The following FAM171B variants were observed in gnomAD, a reference collection of about 807,000 sequenced individuals.
FAM171B encodes family with sequence similarity 171 member B.
In FAM171B, 19 loss-of-function variants were observed where a neutral mutation model predicts 75.6. The observed-to-expected ratio is 0.25, with a 90% CI of 0.18 to 0.37. FAM171B has a LOEUF of 0.37. Among genes scored for constraint, FAM171B ranks in the 10% least tolerant of loss-of-function variants. The pLI is 1.00. For synonymous variants in FAM171B, 367 were observed against 361.7 expected (o/e 1.01, Z -0.17); for missense variants, 848 against 982.4 (o/e 0.86, Z 1.83).
chr2:186,734,939 A>G (rs1690176593), intron 1 of FAM171B, among the ~76,000 whole-genome samples: 1 of 152,220 alleles, frequency 6.6e-6, no homozygotes, highest in Admixed American at 6.5e-5. Flanking sequence ...CACCGGGAGC[A>G]GGGAAAGGCC....
intron 1 of FAM171B, 107 bp downstream of exon 1, chr2:186,694,518 C>T (rs1291169829): frequency 1.4e-6 from 2 of 1,395,178 alleles, no homozygotes; most frequent in African/African-American, 2.9e-5. Flanking sequence ...TCGTTCGTTC[C>T]TGTCACCATC....
intron 1 of FAM171B, among the ~76,000 whole-genome samples, chr2:186,722,902 G>T (rs1218398420): frequency 6.6e-6 from 1 of 152,154 alleles, no homozygotes; most frequent in Non-Finnish European, 1.5e-5. Context: ...TTGGTGTTGA[G>T]GATATTGCAT....
chr2:186,715,135 C>T (rs1028318449), intron 1 of FAM171B, among the ~76,000 whole-genome samples: 2 of 152,260 alleles, frequency 1.3e-5, no homozygotes, highest in Admixed American at 6.5e-5. Flanking sequence ...GGCAGGTAAA[C>T]ATTTACTACG....
intron 4 of FAM171B, among the ~76,000 whole-genome samples, chr2:186,750,405 C>A (rs1690435100): frequency 6.6e-6 from 1 of 152,024 alleles, no homozygotes; most frequent in South Asian, 2.1e-4. Flanking sequence ...ACAATATAAC[C>A]AATTCTGTTA....
chr2:186,753,526 T>G (rs1428588980), intron 5 of FAM171B, among the ~76,000 whole-genome samples: 1 of 152,208 alleles, frequency 6.6e-6, no homozygotes, highest in African/African-American at 2.4e-5. Flanking sequence ...GAAGGTCTGA[T>G]TCTAAGGTGA....
chr2:186,726,685 A>G (rs1196399626), intron 1 of FAM171B, among the ~76,000 whole-genome samples: 3 of 152,132 alleles, frequency 2.0e-5, no homozygotes, highest in African/African-American at 7.2e-5. Context: ...CATTTGCCTT[A>G]TATTTATTTA....
intron 4 of FAM171B, among the ~76,000 whole-genome samples, chr2:186,749,809 G>A (rs968434949): frequency 1.3e-5 from 2 of 152,070 alleles, no homozygotes; most frequent in East Asian, 1.9e-4. Context: ...GTTCTTGAAG[G>A]TTCTTCCCAT....
chr2:186,746,134 G>A (rs1018630907), intron 3 of FAM171B, among the ~76,000 whole-genome samples: 3 of 152,170 alleles, frequency 2.0e-5, no homozygotes, highest in African/African-American at 7.2e-5. Context: ...TCAGGTGTAA[G>A]AGTTGATCTT....
chr2:186,736,217 T>A (rs1412891623), intron 1 of FAM171B, among the ~76,000 whole-genome samples: 1 of 152,204 alleles, frequency 6.6e-6, no homozygotes, highest in African/African-American at 2.4e-5. Context: ...ATAATTGCTT[T>A]TAAGAGAGTA....
At chr2:186,760,130 G>A (rs1284845355) in intron 6 of FAM171B, among the ~76,000 whole-genome samples, 1 of 152,022 alleles carries the variant, frequency 6.6e-6, no homozygotes, top group African/African-American at 2.4e-5. Flanking sequence ...TCTCTGTTCT[G>A]TTCCATTGGT....
chr2:186,694,499 T>G, intron 1 of FAM171B, 88 bp downstream of exon 1: 1 of 1,455,790 alleles, frequency 6.9e-7, no homozygotes, highest in Non-Finnish European at 9.2e-7. Context: ...TCCCTATCCA[T>G]TCCTATCCTC....
intron 1 of FAM171B, among the ~76,000 whole-genome samples, chr2:186,704,647 A>G (rs1158506161): frequency 1.3e-5 from 2 of 152,238 alleles, no homozygotes. Context: ...AGCAAGTTTG[A>G]TAAGGGTTGA....
intron 5 of FAM171B, 127 bp from the exon 6 acceptor site, chr2:186,753,806 T>C (rs927854824): frequency 1.6e-6 from 1 of 637,542 alleles, no homozygotes; most frequent in African/African-American, 1.9e-5. Context: ...ATGTGATATA[T>C]ATTAGCCTAT....
At chr2:186,702,649 G>T (rs1404886352) in intron 1 of FAM171B, among the ~76,000 whole-genome samples, 1 of 152,138 alleles carries the variant, frequency 6.6e-6, no homozygotes, top group Non-Finnish European at 1.5e-5. Context: ...AAATGAGTGA[G>T]TGATTCAGAG....
At chr2:186,726,183 C>G (rs1015443353) in intron 1 of FAM171B, among the ~76,000 whole-genome samples, 1 of 152,100 alleles carries the variant, frequency 6.6e-6, no homozygotes, top group Admixed American at 6.5e-5. Flanking sequence ...TCTTTATTCT[C>G]TCTCATTAAT....
At chr2:186,727,938 C>A (rs1328456324) in intron 1 of FAM171B, among the ~76,000 whole-genome samples, 2 of 151,992 alleles carry the variant, frequency 1.3e-5, no homozygotes, top group Non-Finnish European at 2.9e-5. Context: ...TTCTTGGTAG[C>A]TGAATATTTT....
At chr2:186,751,635 C>G (rs1427644220) in intron 5 of FAM171B, among the ~76,000 whole-genome samples, 1 of 151,978 alleles carries the variant, frequency 6.6e-6, no homozygotes, top group Non-Finnish European at 1.5e-5. Context: ...TATCTAAAAG[C>G]GTGGTTTAAG....
At chr2:186,717,953 T>C (rs1370496333) in intron 1 of FAM171B, among the ~76,000 whole-genome samples, 1 of 152,186 alleles carries the variant, frequency 6.6e-6, no homozygotes, top group Non-Finnish European at 1.5e-5. Flanking sequence ...GCCTATCACC[T>C]TGATTGACAA....
chr2:186,737,504 AC>A (rs1690221420), intron 1 of FAM171B, among the ~76,000 whole-genome samples: 1 of 152,024 alleles, frequency 6.6e-6, no homozygotes, highest in East Asian at 1.9e-4. Context: ...GTGCCAGTAC[AC>A]CCAGCTAATT....
Sources: gnomAD v4.1 joint callset for allele counts (sites outside exome capture counted in the v4.1 genomes callset) on GRCh38, gnomAD v4.1.1 for gene constraint, MANE v1.5 for transcripts, NCBI Gene and HGNC (gene_info 2026-07-23, HGNC 2026-07-21) for gene names.